Variants in SH3RF2 observed in about 807,000 individuals in gnomAD.
The protein encoded by SH3RF2 is SH3 domain containing ring finger 2, also known as E3 ubiquitin-protein ligase SH3RF2.
Under a neutral mutation model 59.0 loss-of-function variants are expected in SH3RF2, and 43 were observed. The ratio of observed to expected loss-of-function variants is 0.73; its 90% CI spans 0.57 to 0.94. SH3RF2 has a LOEUF of 0.94. SH3RF2 is among the 40% of genes least tolerant of loss of function. The pLI is 0.00. For synonymous variants in SH3RF2, 391 were observed against 391.5 expected (o/e 1.00, Z 0.01); for missense variants, 930 against 940.1 (o/e 0.99, Z 0.14).
At chr5:145,979,413 C>A (rs987380905) in intron 2 of SH3RF2, among the ~76,000 whole-genome samples, 1 of 152,184 alleles carries the variant, frequency 6.6e-6, no homozygotes, top group Non-Finnish European at 1.5e-5. Flanking sequence ...AGCATATCTA[C>A]AAATATCCAA....
intron 2 of SH3RF2, among the ~76,000 whole-genome samples, chr5:145,989,790 C>T (rs1308960088): frequency 1.3e-5 from 2 of 148,908 alleles, no homozygotes; most frequent in Non-Finnish European, 3.0e-5. Flanking sequence ...GTTGAGTTCT[C>T]ATCTCAGCTC....
At chr5:145,973,864 G>T (rs1759182342) in intron 2 of SH3RF2, among the ~76,000 whole-genome samples, 1 of 152,186 alleles carries the variant, frequency 6.6e-6, no homozygotes, top group South Asian at 2.1e-4. Flanking sequence ...GAGTAAAAAG[G>T]GGTGAGGGAG....
In SH3RF2 at chr5:145,988,369, T is replaced by C. The variant is rs115614859; in HGVS notation, c.379-11689T>C. On this transcript the variant is annotated intron_variant, in intron 2 of 9. Coordinates refer to ENST00000359120, the MANE Select transcript of SH3RF2 (RefSeq NM_152550.4). The stretch of plus-strand genomic sequence containing the variant: ...AAAATCTCTCTGATCAGCCAAAATA[T>C]TCTAAGGACTTAGAGGTTATCTCCC... Among the ~76,000 whole-genome samples the C allele has an allele frequency of 4.2e-3, 633 of 151,874 alleles. 1 individual carries two copies. The highest frequency in any genetic ancestry group is 0.01 in the Middle Eastern group (3 of 294).
chr5:145,959,149 C>T (rs1758527884), intron 2 of SH3RF2, among the ~76,000 whole-genome samples: 1 of 152,192 alleles, frequency 6.6e-6, no homozygotes, highest in Non-Finnish European at 1.5e-5. Flanking sequence ...CAAGTACCTC[C>T]AGCTTTGTGG....
intron 2 of SH3RF2, among the ~76,000 whole-genome samples, chr5:145,973,038 G>C (rs1251780207): frequency 6.6e-6 from 1 of 152,134 alleles, no homozygotes; most frequent in African/African-American, 2.4e-5. Flanking sequence ...CCTACGACTG[G>C]GGAAAGAAAG....
intron 8 of SH3RF2, 27 bp downstream of exon 8, chr5:146,056,240 C>G (rs1446879712): frequency 1.2e-6 from 2 of 1,613,678 alleles, no homozygotes; most frequent in African/African-American, 2.7e-5. Context: ...AGGTACGTGC[C>G]TAGAGCTAAG....
intron 5 of SH3RF2, among the ~76,000 whole-genome samples, chr5:146,016,176 G>T (rs946081270): frequency 3.3e-5 from 5 of 152,196 alleles, no homozygotes; most frequent in African/African-American, 1.2e-4. Context: ...ATTTCCTAAA[G>T]AAAGATTACA....
downstream of SH3RF2, among the ~76,000 whole-genome samples, chr5:146,064,864 G>GAAAGAAAGA (rs59357428): frequency 1.4e-5 from 1 of 69,092 alleles, no homozygotes; most frequent in African/African-American, 5.7e-5. Context: ...AAGAAAGAAA[G>GAAAGAAAGA]AGAAAGAAAA....
intron 2 of SH3RF2, among the ~76,000 whole-genome samples, chr5:145,969,410 A>C (rs1758984024): frequency 6.6e-6 from 1 of 152,202 alleles, no homozygotes; most frequent in Non-Finnish European, 1.5e-5. Flanking sequence ...GAAAGAAGAC[A>C]ACAAAAGATG....
intron 4 of SH3RF2, among the ~76,000 whole-genome samples, chr5:146,005,768 C>G (rs894896784): frequency 5.3e-5 from 8 of 151,590 alleles, no homozygotes; most frequent in African/African-American, 1.5e-4. Flanking sequence ...GTAGTTAAAC[C>G]CTCAATGGCC....
chr5:145,997,843 C>A (rs1561731673), intron 2 of SH3RF2: 11 of 1,297,908 alleles, frequency 8.5e-6, no homozygotes, highest in African/African-American at 1.5e-5. Context: ...CCTGCAAAAA[C>A]AACTCACATC....
intron 2 of SH3RF2, among the ~76,000 whole-genome samples, chr5:145,996,673 C>T (rs1163452078): frequency 6.6e-6 from 1 of 152,064 alleles, no homozygotes; most frequent in Non-Finnish European, 1.5e-5. Context: ...GAAGTAGAGC[C>T]AGAATTCAAA....
At chr5:146,051,657 A>ATAAAAAC (rs1762501615) in intron 7 of SH3RF2, among the ~76,000 whole-genome samples, 1 of 152,172 alleles carries the variant, frequency 6.6e-6, no homozygotes, top group Non-Finnish European at 1.5e-5. Context: ...TAAAACGAGC[A>ATAAAAAC]TGTTTTGGGG....
At position 146,047,154 on chromosome 5, in the gene SH3RF2, CGT is replaced by C. The variant is rs35750777; in HGVS notation, c.1060-595_1060-594del. On this transcript the variant is annotated intron_variant, in intron 5 of 9. Coordinates refer to ENST00000359120, the MANE Select transcript of SH3RF2 (RefSeq NM_152550.4). ...CAACTACTATAAGTCATTGGATAGG[CGT>C]GTGTGTGTGTGTGTGTGTGTGTTTC... Among the ~76,000 whole-genome samples the C allele has an allele frequency of 6.1e-4, 90 of 147,948 alleles. 1 individual carries two copies. The highest frequency in any genetic ancestry group is 7.0e-3 in the Middle Eastern group (2 of 286).
chr5:145,938,063 A>C lies in SH3RF2; in HGVS notation c.135A>C (p.Lys45Asn), dbSNP rs766295131. 4 of 1,614,238 alleles carry C rather than the reference A, an allele frequency of 2.5e-6. No homozygotes were observed. The highest frequency in any genetic ancestry group is 3.4e-6 in the Non-Finnish European group (4 of 1,180,032). ...PCLQRVFKAH[K>N]ELRCPECRTP... The stretch of plus-strand genomic sequence containing the variant: ...TACAGAGGGTTTTCAAGGCCCACAA[A>C]GAGCTGCGGTGCCCCGAATGCAGGA... Residue 45 changes from lysine (K) to asparagine (N), a missense_variant, in exon 2 of 10, where the codon AAA becomes AAC. Physicochemically the swap from Lys to Asn is moderately conservative, Grantham distance 94. Coordinates refer to ENST00000359120, the MANE Select transcript of SH3RF2 (RefSeq NM_152550.4).
intron 2 of SH3RF2, among the ~76,000 whole-genome samples, chr5:145,955,821 C>A (rs1758380411): frequency 1.3e-5 from 2 of 152,080 alleles, no homozygotes; most frequent in Admixed American, 6.6e-5. Flanking sequence ...GTGATCATAT[C>A]ATATAGTCTA....
intron 9 of SH3RF2, among the ~76,000 whole-genome samples, chr5:146,075,952 G>C (rs960278459): frequency 2.6e-5 from 4 of 152,104 alleles, no homozygotes; most frequent in African/African-American, 9.7e-5. Context: ...CCTGTAGACA[G>C]TGCTAATAAG....
chr5:146,064,658 GAGAAAGAGAAAGAAAGAAAGAAAGAA>G (rs1298030917), downstream of SH3RF2, among the ~76,000 whole-genome samples: 964 of 25,082 alleles, frequency 0.038, 141 homozygotes, highest in South Asian at 0.11. Flanking sequence ...AAGAGAGAGA[GAGAAAGAGAAAGAAAGAAAGAAAGAA>G]AGAAAGAAAG....
intron 5 of SH3RF2, among the ~76,000 whole-genome samples, chr5:146,033,887 A>G (rs1761833552): frequency 6.6e-6 from 1 of 152,214 alleles, no homozygotes; most frequent in Admixed American, 6.5e-5. Context: ...CCACAAATAT[A>G]TCCCCATTGT....
Sources: gnomAD v4.1 joint callset for allele counts (sites outside exome capture counted in the v4.1 genomes callset) on GRCh38, gnomAD v4.1.1 for gene constraint, MANE v1.5 for transcripts, NCBI Gene and HGNC (gene_info 2026-07-23, HGNC 2026-07-21) for gene names.